The following ADA2 variants were observed in gnomAD, a reference collection of about 807,000 sequenced individuals.
The protein encoded by ADA2 is adenosine deaminase 2, also known as adenosine deaminase CECR1.
ADA2 carries 29 observed loss-of-function variants against 44.2 expected under a neutral mutation model. That is an observed-to-expected ratio of 0.66 (90% CI 0.49 to 0.89). The LOEUF is 0.89. Ranked by LOEUF, ADA2 falls within the 40% of genes least tolerant of loss-of-function variation. The probability of loss-of-function intolerance (pLI) is 0.00; values close to 1 mark genes in which losing one functional copy is unlikely to be tolerated. For missense variants in ADA2, 637 were observed against 644.8 expected (o/e 0.99, Z 0.13); for synonymous variants, 215 against 234.9 (o/e 0.92, Z 0.77).
At chr22:17,216,510 T>C (rs1165764602) in intron 1 of ADA2, among the ~76,000 whole-genome samples, 14 of 152,140 alleles carry the variant, frequency 9.2e-5, no homozygotes, top group African/African-American at 3.4e-4. Context: ...CTCATGCCTG[T>C]AATCCCAGCA....
upstream of ADA2, among the ~76,000 whole-genome samples, chr22:17,220,662 G>A (rs1177621260): frequency 6.6e-6 from 1 of 151,962 alleles, no homozygotes; most frequent in Non-Finnish European, 1.5e-5. Flanking sequence ...AGACTCGATT[G>A]CACCCCACTC....
intron 3 of ADA2, among the ~76,000 whole-genome samples, chr22:17,205,400 C>T (rs2062343334): frequency 6.6e-6 from 1 of 152,120 alleles, no homozygotes; most frequent in African/African-American, 2.4e-5. Flanking sequence ...AGGCATGACC[C>T]AGTGTGCCCG....
chr22:17,219,952 AG>A (rs1261749590), upstream of ADA2, among the ~76,000 whole-genome samples: 1 of 152,124 alleles, frequency 6.6e-6, no homozygotes, highest in Admixed American at 6.5e-5. Context: ...CTGGAATTAC[AG>A]GCGTGAGCCA....
At position 17,181,178 on chromosome 22, in the gene ADA2, G is replaced by A; in HGVS notation, c.*305C>T. On this transcript the variant is annotated 3_prime_UTR_variant, in exon 10 of 10. Transcript: ENST00000399837. Reference sequence around the variant, plus strand: ...ATAAAAAAATAAAGAGACCAGAATAGAAGAGAGCCCAGGACTGAGTCCTGA... The same window carrying A: ...ATAAAAAAATAAAGAGACCAGAATAAAAGAGAGCCCAGGACTGAGTCCTGA... 3.6e-6 allele frequency: 1 copy of A among 281,328 alleles called. No homozygotes were observed. 17.4% of individuals were successfully genotyped at this position (281,328 alleles called of 1,614,324 possible). A position where few individuals can be genotyped will look rare whatever the true frequency, so the allele number is the denominator to read the frequency against.
At chr22:17,206,318 A>G (rs1381404025) in intron 3 of ADA2, among the ~76,000 whole-genome samples, 2 of 152,116 alleles carry the variant, frequency 1.3e-5, no homozygotes, top group African/African-American at 4.8e-5. Flanking sequence ...TTAGCCAGGC[A>G]TGGTGGCACA....
At chr22:17,207,692 G>C (rs902994245) in intron 2 of ADA2, among the ~76,000 whole-genome samples, 1 of 151,990 alleles carries the variant, frequency 6.6e-6, no homozygotes, top group Admixed American at 6.6e-5. Context: ...TTCAAGTCAG[G>C]GCTCCATTGG....
Position 17,187,394 on chromosome 22 carries a change from A to T in ADA2, c.1081+945T>A, listed in dbSNP as rs190713752. Among the ~76,000 whole-genome samples the T allele has an allele frequency of 6.4e-4, 97 of 152,112 alleles. 3 individuals are homozygous for T. In the East Asian group the frequency reaches 0.016, roughly 25 times the overall value. ...AGTTCAGTGAGCCTGGGCTCAGGCAATCCTCCCACCTCAGCCTCTAAGTAG... is the reference window on the plus strand; with the variant it reads ...AGTTCAGTGAGCCTGGGCTCAGGCATTCCTCCCACCTCAGCCTCTAAGTAG... On this transcript the variant is annotated intron_variant, in intron 7 of 9. Coordinates refer to ENST00000399837, the MANE Select transcript of ADA2 (RefSeq NM_001282225.2).
intron 4 of ADA2, chr22:17,192,899 G>A: frequency 1.9e-6 from 1 of 524,748 alleles, no homozygotes; most frequent in South Asian, 1.6e-5. Context: ...TCTCCTCTTT[G>A]GCATCATGGC....
intron 6 of ADA2, chr22:17,189,723 C>G (rs1401877347): frequency 1.9e-5 from 10 of 515,334 alleles, no homozygotes; most frequent in Non-Finnish European, 2.8e-5. Context: ...GCTGTCTGCT[C>G]TCCCTTCTCC....
intron 7 of ADA2, among the ~76,000 whole-genome samples, chr22:17,184,533 T>C (rs1283093884): frequency 1.3e-5 from 2 of 152,162 alleles, no homozygotes; most frequent in African/African-American, 4.8e-5. Context: ...TAGCACAGAT[T>C]GCTTCTTACG....
At chr22:17,187,184 A>AT (rs2062045662) in intron 7 of ADA2, among the ~76,000 whole-genome samples, 2 of 150,742 alleles carry the variant, frequency 1.3e-5, no homozygotes, top group African/African-American at 4.9e-5. Context: ...AAAAAAAAAA[A>AT]TTTGTTTTCC....
At chr22:17,220,527 G>A (rs1254220672), upstream of ADA2, among the ~76,000 whole-genome samples, 2 of 152,186 alleles carry the variant, frequency 1.3e-5, no homozygotes, top group Admixed American at 6.6e-5. Flanking sequence ...CACATAGAAA[G>A]CTCTTGATAA....
intron 1 of ADA2, among the ~76,000 whole-genome samples, chr22:17,219,139 G>C (rs2062500919): frequency 6.6e-6 from 1 of 152,232 alleles, no homozygotes; most frequent in African/African-American, 2.4e-5. Context: ...CCTGGTGACA[G>C]TGGAGTAGGC....
At chr22:17,201,317 C>T (rs557655810) in intron 4 of ADA2, among the ~76,000 whole-genome samples, 1 of 152,132 alleles carries the variant, frequency 6.6e-6, no homozygotes, top group Non-Finnish European at 1.5e-5. Context: ...CACATCTATC[C>T]CTTATGAATT....
At chr22:17,182,887 AAG>A in intron 7 of ADA2, 126 bp from the exon 8 acceptor site, 1 of 882,474 alleles carries the variant, frequency 1.1e-6, no homozygotes, top group South Asian at 1.7e-5. Flanking sequence ...CACAAAAATG[AAG>A]AGAAATTAAC....
At chr22:17,182,123 C>T in intron 8 of ADA2, 101 bp from the exon 9 acceptor site, 2 of 873,440 alleles carry the variant, frequency 2.3e-6, no homozygotes, top group Admixed American at 4.8e-5. Flanking sequence ...CCTTCATCTT[C>T]CCATCACTAT....
intron 7 of ADA2, among the ~76,000 whole-genome samples, chr22:17,186,170 G>T (rs1255167204): frequency 6.6e-6 from 1 of 152,166 alleles, no homozygotes; most frequent in Non-Finnish European, 1.5e-5. Flanking sequence ...AGCAGACCTG[G>T]TTCTCCTCCC....
At chr22:17,199,419 T>TCCCTCCCCTCCACTATCCTCTTCCCCA in intron 4 of ADA2, 1 of 927,948 alleles carries the variant, frequency 1.1e-6, no homozygotes, top group Non-Finnish European at 1.8e-6. Context: ...CAGCGTCTCC[T>TCCCTCCCCTCCACTATCCTCTTCCCCA]CCCTCCCCTC....
intron 1 of ADA2, among the ~76,000 whole-genome samples, chr22:17,217,749 A>T (rs538766674): frequency 6.6e-6 from 1 of 152,316 alleles, no homozygotes; most frequent in East Asian, 1.9e-4. Flanking sequence ...CGGAGGTTTC[A>T]GTGAGCCTAG....
Sources: gnomAD v4.1 joint callset for allele counts (sites outside exome capture counted in the v4.1 genomes callset) on GRCh38, gnomAD v4.1.1 for gene constraint, MANE v1.5 for transcripts, NCBI Gene and HGNC (gene_info 2026-07-23, HGNC 2026-07-21) for gene names.